Variants in OTOGL observed in about 807,000 individuals in gnomAD.
OTOGL encodes otogelin like.
A neutral mutation model predicts 318.5 loss-of-function variants in OTOGL; 285 were observed. The ratio of observed to expected loss-of-function variants is 0.89; its 90% CI spans 0.81 to 0.99. The LOEUF (loss-of-function observed/expected upper bound fraction) is 0.99. OTOGL is among the 50% of genes least tolerant of loss of function. The pLI, the probability that OTOGL is intolerant of heterozygous loss-of-function variation, is 0.00. For synonymous variants in OTOGL, 987 were observed against 936.5 expected (o/e 1.05, Z -0.99); for missense variants, 2,899 against 2,845.6 (o/e 1.02, Z -0.43).
chr12:80,185,480 G>T (rs1473088670), intron 1 of OTOGL, among the ~76,000 whole-genome samples: 1 of 152,022 alleles, frequency 6.6e-6, no homozygotes. Context: ...GTAGAGACAG[G>T]GTTTTGCCAT....
chr12:80,302,026 C>T (rs530327912), intron 27 of OTOGL, among the ~76,000 whole-genome samples: 2 of 152,288 alleles, frequency 1.3e-5, no homozygotes, highest in East Asian at 3.9e-4. Context: ...ATCTTAGCAA[C>T]TGCAGCATAC....
At chr12:80,313,817 TTG>T (rs1482147397) in intron 31 of OTOGL, among the ~76,000 whole-genome samples, 185 bp downstream of exon 31, 1 of 152,142 alleles carries the variant, frequency 6.6e-6, no homozygotes, top group Non-Finnish European at 1.5e-5. Flanking sequence ...TAAAAATAAA[TTG>T]TGAGATAATA....
At chr12:80,226,469 G>A (rs1375849126) in intron 7 of OTOGL, among the ~76,000 whole-genome samples, 2 of 151,788 alleles carry the variant, frequency 1.3e-5, no homozygotes. Context: ...CTTCAATATG[G>A]TCAGATGCAT....
At chr12:80,314,408 C>T in intron 32 of OTOGL, 77 bp downstream of exon 32, 1 of 505,642 alleles carries the variant, frequency 2.0e-6, no homozygotes, top group South Asian at 9.3e-5. Context: ...TTTTGAACAA[C>T]TTATGCTGTG....
chr12:80,114,777 A>C (rs953264164), intron 1 of OTOGL, among the ~76,000 whole-genome samples: 5 of 151,708 alleles, frequency 3.3e-5, no homozygotes, highest in Non-Finnish European at 7.4e-5. Context: ...TGGTCTTTTC[A>C]CGTAGTCCCA....
intron 35 of OTOGL, among the ~76,000 whole-genome samples, chr12:80,327,269 C>T (rs1199012351): frequency 6.6e-6 from 1 of 152,166 alleles, no homozygotes; most frequent in Non-Finnish European, 1.5e-5. Context: ...CTTTGGCCCA[C>T]AACATGGCCT....
intron 1 of OTOGL, among the ~76,000 whole-genome samples, chr12:80,125,338 G>A (rs35055793): frequency 0.035 from 5,310 of 152,240 alleles, 109 homozygotes; most frequent in South Asian, 0.09. Context: ...GCTGGATTAC[G>A]TTTATTGATT....
At chr12:80,312,426 A>G (rs1022020625) in intron 30 of OTOGL, among the ~76,000 whole-genome samples, 2 of 152,328 alleles carry the variant, frequency 1.3e-5, no homozygotes, top group Middle Eastern at 3.4e-3. Flanking sequence ...ATGTAAACAT[A>G]TAGGGTTTAT....
chr12:80,326,046 C>T (rs1342636827), intron 35 of OTOGL, among the ~76,000 whole-genome samples: 1 of 152,106 alleles, frequency 6.6e-6, no homozygotes, highest in African/African-American at 2.4e-5. Context: ...ATCTCTACCT[C>T]CATTTCTTTC....
Position 80,266,609 on chromosome 12 carries a change from G to A in OTOGL, c.2383G>A (p.Val795Ile), listed in dbSNP as rs771745721. 4.3e-6 allele frequency: 7 copies of A among 1,612,632 alleles called. No individual in the cohort carries two copies. The highest frequency in any genetic ancestry group is 5.9e-6 in the Non-Finnish European group (7 of 1,179,300). ...KFYEDTLNFC[V>I]PIFHCRCHYR... ...CTATGAAGACACTCTTAACTTTTGT[G>A]TACCCATGTAAGTCGTAGAAACAGG... is the stretch of plus-strand genomic sequence containing the variant. Residue 795 changes from valine to isoleucine, a missense_variant, in exon 21 of 59, where the codon GTA becomes ATA. Physicochemically the swap from Val to Ile is conservative, Grantham distance 29 (BLOSUM62 3). Around this residue, in one of 3 missense-constraint regions of OTOGL, gnomAD observed 2,607 missense variants for 2,524.9 expected, o/e 1.03. Coordinates refer to ENST00000547103, the MANE Select transcript of OTOGL (RefSeq NM_001378609.3).
At chr12:80,254,910 TTGATGCATGATTA>T in intron 15 of OTOGL, 117 bp from the exon 16 acceptor site, 1 of 785,900 alleles carries the variant, frequency 1.3e-6, no homozygotes, top group Non-Finnish European at 1.8e-6. Flanking sequence ...TTTCAAAGTT[TTGATGCATGATTA>T]TTTACCCTAA....
intron 1 of OTOGL, among the ~76,000 whole-genome samples, chr12:80,157,428 C>T (rs1040537751): frequency 1.2e-4 from 19 of 152,092 alleles, no homozygotes; most frequent in Middle Eastern, 3.4e-3. Context: ...CTTTTTAACT[C>T]GAGATGATCC....
chr12:80,278,609 A>G (rs1883982390), intron 25 of OTOGL, among the ~76,000 whole-genome samples: 1 of 151,604 alleles, frequency 6.6e-6, no homozygotes, highest in South Asian at 2.1e-4. Flanking sequence ...GTAAGTCAAA[A>G]GAATACCATA....
intron 26 of OTOGL, among the ~76,000 whole-genome samples, chr12:80,291,967 TC>T (rs1455390592): frequency 6.6e-6 from 1 of 152,144 alleles, no homozygotes; most frequent in East Asian, 1.9e-4. Context: ...TTCTTTTTTT[TC>T]TTTTTCTTTT....
At position 80,355,815 on chromosome 12, in the gene OTOGL, A is replaced by G. The variant is rs748249973; in HGVS notation, c.5673A>G (p.Lys1891=). 2 of 1,613,888 alleles carry G rather than the reference A, an allele frequency of 1.2e-6. No individual in the cohort carries two copies. Among genetic ancestry groups the G allele is most frequent in the Non-Finnish European group, 1.7e-6 (2 of 1,179,822 alleles). The stretch of plus-strand genomic sequence containing the variant: ...GCATTGATGAATGCACTCTATACAA[A>G]TGTTTGGAGAATGGAAGCATTATCC... ...NGGIDECTLY[K]CLENGSIIPI... The change falls in exon 47 of 59, where the codon AAA becomes AAG. Residue 1891 remains lysine (K), a synonymous_variant. Transcript: ENST00000547103.
At chr12:80,172,646 AG>A (rs1436605980) in intron 1 of OTOGL, among the ~76,000 whole-genome samples, 12 of 152,056 alleles carry the variant, frequency 7.9e-5, no homozygotes, top group Non-Finnish European at 1.8e-4. Flanking sequence ...GTATTTAAAA[AG>A]GTGTCATCTG....
intron 1 of OTOGL, among the ~76,000 whole-genome samples, chr12:80,205,910 C>T (rs1473872956): frequency 6.6e-6 from 1 of 152,166 alleles, no homozygotes; most frequent in Non-Finnish European, 1.5e-5. Context: ...TAAAAATTTT[C>T]CCATTCTTGC....
intron 44 of OTOGL, among the ~76,000 whole-genome samples, chr12:80,345,006 A>G (rs1889069480): frequency 7.1e-6 from 1 of 140,744 alleles, no homozygotes; most frequent in Non-Finnish European, 1.5e-5. Flanking sequence ...TATTTTATAT[A>G]TTATTATATA....
intron 25 of OTOGL, among the ~76,000 whole-genome samples, chr12:80,278,721 A>T (rs1883992042): frequency 1.3e-5 from 2 of 151,548 alleles, no homozygotes; most frequent in South Asian, 4.1e-4. Flanking sequence ...AATATGGGAG[A>T]TGGCATTGTG....
Sources: gnomAD v4.1 joint callset for allele counts (sites outside exome capture counted in the v4.1 genomes callset) on GRCh38, gnomAD v4.1.1 for gene constraint, gnomAD v4.1.1 regional missense constraint, MANE v1.5 for transcripts, NCBI Gene and HGNC (gene_info 2026-07-23, HGNC 2026-07-21) for gene names.